Variants in PMPCB observed in about 807,000 individuals in gnomAD.
PMPCB encodes the protein peptidase, mitochondrial processing subunit beta, also known as mitochondrial-processing peptidase subunit beta.
Under a neutral mutation model 61.5 loss-of-function variants are expected in PMPCB, and 46 were observed. That is an observed-to-expected ratio of 0.75 (90% CI 0.59 to 0.96). PMPCB has a LOEUF of 0.96. Among genes scored for constraint, PMPCB ranks in the 40% least tolerant of loss-of-function variants. The pLI, the probability that PMPCB is intolerant of heterozygous loss-of-function variation, is 0.00. For missense variants in PMPCB, 590 were observed against 602.4 expected, an observed-to-expected ratio of 0.98 and a Z score of 0.22; for synonymous variants, 191 against 201.6, an observed-to-expected ratio of 0.95 and a Z score of 0.44.
the PMPCB span, among the ~76,000 whole-genome samples, chr7:103,345,966 T>C: frequency 1.3e-5 from 2 of 151,744 alleles, no homozygotes; most frequent in Non-Finnish European, 1.5e-5. Context: ...ATTGAACTAA[T>C]CTTCTGCCCC....
rs747732233 is a variant in PMPCB, at chr7:103,311,666, CAG to C, written c.1180_1181del (p.Glu394LysfsTer2). 1.2e-6 allele frequency: 2 copies of C among 1,613,876 alleles called. No individual in the cohort carries two copies. The highest frequency in any genetic ancestry group is 2.2e-5 in the East Asian group (1 of 44,864). On this transcript the variant is annotated frameshift_variant, in exon 10 of 13. Coordinates refer to ENST00000249269, the MANE Select transcript of PMPCB (RefSeq NM_004279.3). LOFTEE classifies it high-confidence loss of function. The stretch of plus-strand genomic sequence containing the variant: ...AGGATGCGACTCTGTACAAGTGTCA[CAG>C]AAAGTGAGGTTGCACGAGCCAGAAA...
chr7:103,344,296 G>T, the PMPCB span: 1 of 553,506 alleles, frequency 1.8e-6, no homozygotes, highest in East Asian at 3.0e-5. Context: ...GTCCCGAAAT[G>T]CTCAGCCCAA....
intron 8 of PMPCB, 114 bp downstream of exon 8, chr7:103,309,209 G>A: frequency 1.3e-6 from 1 of 745,680 alleles, no homozygotes. Flanking sequence ...GTCTTGTACT[G>A]TGAATTCTGA....
chr7:103,301,549 G>A (rs549456215), intron 4 of PMPCB, among the ~76,000 whole-genome samples: 1 of 152,288 alleles, frequency 6.6e-6, no homozygotes, highest in South Asian at 2.1e-4. Flanking sequence ...GAAATTAAAC[G>A]ACTTTTTTCC....
At chr7:103,317,947 A>G (rs1309263772), downstream of PMPCB, among the ~76,000 whole-genome samples, 1 of 85,546 alleles carries the variant, frequency 1.2e-5, no homozygotes, top group Non-Finnish European at 2.3e-5. Context: ...CACCACGCTC[A>G]TAGTGCAGAT....
chr7:103,322,424 T>G (rs905667816), intron 12 of PMPCB: 2 of 1,276,070 alleles, frequency 1.6e-6, no homozygotes, highest in Admixed American at 2.8e-5. Flanking sequence ...GAATTATAGT[T>G]TTTTTTAAAA....
chr7:103,327,387 A>C (rs1274710579), intron 12 of PMPCB: 11 of 1,182,400 alleles, frequency 9.3e-6, no homozygotes, highest in African/African-American at 4.6e-5. Flanking sequence ...TCCTGTTAAA[A>C]TGCAGATTTT....
At chr7:103,346,726 T>C in the PMPCB span, among the ~76,000 whole-genome samples, 4 of 152,332 alleles carry the variant, frequency 2.6e-5, no homozygotes, top group African/African-American at 9.6e-5. Context: ...TTTGTCTTTT[T>C]TGTGACTGAC....
At chr7:103,322,483 A>T (rs1818475371) in intron 12 of PMPCB, 1 of 1,416,420 alleles carries the variant, frequency 7.1e-7, no homozygotes, top group African/African-American at 1.5e-5. Context: ...AAACATTTAA[A>T]GTCCACCTTC....
chr7:103,321,893 T>TG, intron 12 of PMPCB: 2 of 1,562,882 alleles, frequency 1.3e-6, no homozygotes, highest in African/African-American at 1.4e-5. Flanking sequence ...ATAAGCAACT[T>TG]GATTTACTTG....
chr7:103,299,831 C>T (rs562447244), intron 3 of PMPCB, among the ~76,000 whole-genome samples: 4 of 152,162 alleles, frequency 2.6e-5, no homozygotes, highest in East Asian at 1.9e-4. Context: ...AGTGCGGTGA[C>T]GCAATCTGCT....
intron 6 of PMPCB, among the ~76,000 whole-genome samples, chr7:103,306,879 C>G (rs961976449): frequency 2.0e-5 from 3 of 152,312 alleles, no homozygotes; most frequent in Non-Finnish European, 2.9e-5. Context: ...CCTCAGCCTC[C>G]TGAATAGCTG....
chr7:103,324,544 A>AT (rs1818598119), intron 12 of PMPCB: 31 of 1,485,626 alleles, frequency 2.1e-5, no homozygotes, highest in Admixed American at 4.8e-5. Flanking sequence ...GTTTAGGAAC[A>AT]TTTTTTTTAT....
At chr7:103,316,566 T>C (rs1330768540), downstream of PMPCB, 4 of 411,804 alleles carry the variant, frequency 9.7e-6, no homozygotes, top group East Asian at 1.3e-4. Context: ...CATGACAGAG[T>C]AAGCCAACAT....
At chr7:103,332,715 G>A (rs1414360644), downstream of PMPCB, among the ~76,000 whole-genome samples, 2 of 151,622 alleles carry the variant, frequency 1.3e-5, no homozygotes, top group Non-Finnish European at 2.9e-5. Flanking sequence ...CTGCAGCCTT[G>A]ACCTCCTGGG....
chr7:103,338,576 G>A, the PMPCB span, among the ~76,000 whole-genome samples: 2 of 151,786 alleles, frequency 1.3e-5, no homozygotes, highest in Admixed American at 1.3e-4. Flanking sequence ...AGGGATTACA[G>A]GTGTGAGCCA....
intron 12 of PMPCB, chr7:103,320,840 T>TC: frequency 5.2e-6 from 1 of 191,656 alleles, no homozygotes; most frequent in Non-Finnish European, 1.0e-5. Flanking sequence ...CTTTTTTTTT[T>TC]TTTTTTTTTT....
rs371151128 is a variant in PMPCB at position 103,310,337 on chromosome 7, A to G, written c.1016A>G (p.Gln339Arg). The change falls in exon 9 of 13, where the codon CAG becomes CGG. Residue 339 changes from glutamine to arginine, a missense_variant. Gln to Arg is a conservative substitution (Grantham distance 43). Transcript: ENST00000249269. The stretch of plus-strand genomic sequence containing the variant: ...CAGAATTTATCTAGCAAGCTGGCCC[A>G]GCTCACTTGTCATGGCAATCTTTGC... Reference protein sequence around the residue: ...GGMNLSSKLAQLTCHGNLCHS... With the variant: ...GGMNLSSKLARLTCHGNLCHS... 10 of 1,613,540 alleles carry G rather than the reference A, an allele frequency of 6.2e-6. No individual in the cohort carries two copies. In the South Asian group the frequency reaches 1.1e-4, roughly 18 times the overall value.
In PMPCB at chr7:103,299,765, A is replaced by AT. The variant is rs1019311312; in HGVS notation, c.327+245dup. On this transcript the variant is annotated intron_variant, in intron 3 of 12. Coordinates refer to ENST00000249269, the MANE Select transcript of PMPCB (RefSeq NM_004279.3). Reference sequence around the variant, plus strand: ...CCATTTCTGAAGCCTGATGTACCTTATTTTTTTTTATTTAATTTTTTTTGA... The same window carrying AT: ...CCATTTCTGAAGCCTGATGTACCTTATTTTTTTTTTATTTAATTTTTTTTGA... Among the ~76,000 whole-genome samples, 5 of 151,406 alleles carry AT rather than the reference A, an allele frequency of 3.3e-5. No individual in the cohort carries two copies. In the East Asian group the frequency reaches 7.8e-4, roughly 24 times the overall value.
Sources: allele counts gnomAD v4.1 joint callset (sites outside exome capture counted in the v4.1 genomes callset), GRCh38; gene constraint gnomAD v4.1.1; transcripts MANE v1.5; gene names NCBI Gene and HGNC (gene_info 2026-07-23, HGNC 2026-07-21).